The following XRCC4 variants were observed in gnomAD, a reference collection of about 807,000 sequenced individuals.
XRCC4 encodes the protein X-ray repair cross complementing 4.
Under a neutral mutation model 39.1 loss-of-function variants are expected in XRCC4, and 28 were observed. That is an observed-to-expected ratio of 0.72 (90% confidence interval 0.53 to 0.98). The LOEUF is 0.98. Ranked by LOEUF, XRCC4 falls within the 50% of genes least tolerant of loss-of-function variation. The probability of loss-of-function intolerance (pLI) is 0.00; values close to 1 mark genes in which losing one functional copy is unlikely to be tolerated. For synonymous variants in XRCC4, 123 were observed against 126.4 expected, an observed-to-expected ratio of 0.97 and a Z score of 0.18; for missense variants, 350 against 376.4, an observed-to-expected ratio of 0.93 and a Z score of 0.58.
intron 3 of XRCC4, among the ~76,000 whole-genome samples, chr5:83,138,048 A>G (rs1747984449): frequency 1.3e-5 from 2 of 152,258 alleles, no homozygotes; most frequent in South Asian, 4.1e-4. Flanking sequence ...GAAGTACTTG[A>G]GTTCAGATAG....
intron 6 of XRCC4, among the ~76,000 whole-genome samples, chr5:83,213,582 C>A (rs1398378847): frequency 1.3e-5 from 2 of 151,976 alleles, no homozygotes; most frequent in Non-Finnish European, 2.9e-5. Flanking sequence ...TAAGATATTT[C>A]CACAAAGAAA....
At chr5:83,163,121 AT>A (rs1434892904) in intron 3 of XRCC4, among the ~76,000 whole-genome samples, 1 of 151,290 alleles carries the variant, frequency 6.6e-6, no homozygotes, top group Non-Finnish European at 1.5e-5. Flanking sequence ...TAATTTTTGT[AT>A]TTTTAGTAAA....
chr5:83,200,170 C>T (rs1430779004), intron 4 of XRCC4, among the ~76,000 whole-genome samples: 1 of 152,128 alleles, frequency 6.6e-6, no homozygotes, highest in African/African-American at 2.4e-5. Context: ...GGGAATGATA[C>T]GACATACCTC....
At chr5:83,315,869 G>T (rs183387715) in intron 7 of XRCC4, among the ~76,000 whole-genome samples, 1 of 152,094 alleles carries the variant, frequency 6.6e-6, no homozygotes, top group African/African-American at 2.4e-5. Context: ...ATTTTGCAGC[G>T]ATAGATGAAT....
rs139737095 is a variant in XRCC4 at position 83,308,153 on chromosome 5, A to C, written c.894-44978A>C. On this transcript the variant is annotated intron_variant, in intron 7 of 7. Coordinates refer to ENST00000396027, the MANE Select transcript of XRCC4 (RefSeq NM_003401.5). ...TTTTTACTGTTTTGCTTGTTAGAAG[A>C]TATCTACAATATTTCATTTGAAGAA... Among the ~76,000 whole-genome samples the C allele has an allele frequency of 6.1e-3, 936 of 152,332 alleles. 8 individuals carry two copies. The highest frequency in any genetic ancestry group is 6.5e-3 in the Non-Finnish European group (445 of 68,016).
chr5:83,281,798 G>A (rs939468256), intron 7 of XRCC4, among the ~76,000 whole-genome samples: 5 of 152,006 alleles, frequency 3.3e-5, no homozygotes, highest in African/African-American at 9.7e-5. Context: ...GACTACCTTT[G>A]CCTGGAATTC....
intron 1 of XRCC4, among the ~76,000 whole-genome samples, chr5:83,099,534 C>G (rs926831248): frequency 1.3e-5 from 2 of 152,156 alleles, no homozygotes; most frequent in African/African-American, 4.8e-5. Flanking sequence ...CCTTAGATCA[C>G]ATCAATTGCA....
At chr5:83,152,251 G>C (rs374741578) in intron 3 of XRCC4, among the ~76,000 whole-genome samples, 1 of 152,198 alleles carries the variant, frequency 6.6e-6, no homozygotes, top group Non-Finnish European at 1.5e-5. Context: ...TTAAATTAGT[G>C]TTTAAGGTTT....
intron 1 of XRCC4, among the ~76,000 whole-genome samples, chr5:83,099,172 T>C (rs1479567693): frequency 6.6e-6 from 1 of 152,200 alleles, no homozygotes; most frequent in African/African-American, 2.4e-5. Flanking sequence ...ATCAGCCTAC[T>C]TTTCTCAACA....
chr5:83,271,442 T>C (rs961472112), intron 7 of XRCC4, among the ~76,000 whole-genome samples: 4 of 152,212 alleles, frequency 2.6e-5, no homozygotes, highest in Non-Finnish European at 5.9e-5. Context: ...TCCACAAAAG[T>C]ATTGTTATAA....
chr5:83,350,097 TC>T (rs1757036065), intron 7 of XRCC4, among the ~76,000 whole-genome samples: 1 of 152,220 alleles, frequency 6.6e-6, no homozygotes, highest in South Asian at 2.1e-4. Flanking sequence ...ATTATTTCAT[TC>T]TTTTTGGTGG....
Position 83,353,443 on chromosome 5 carries a change from T to C in XRCC4, c.*201T>C. On this transcript the variant is annotated 3_prime_UTR_variant, in exon 8 of 8. Transcript: ENST00000396027. The stretch of plus-strand genomic sequence containing the variant: ...ATTTGATGATGACACTGGCACATTA[T>C]TCTAAACTATTCATTCAGCATGCCT... 2.5e-6 allele frequency: 1 copy of C among 402,746 alleles called. No individual in the cohort carries two copies. The highest frequency in any genetic ancestry group is 5.6e-5 in the South Asian group (1 of 17,842). 24.9% of individuals were successfully genotyped at this position (402,746 alleles called of 1,614,324 possible).
Position 83,204,869 on chromosome 5 carries a change from G to C in XRCC4, c.693G>C (p.Glu231Asp). 6.2e-7 allele frequency: 1 copy of C among 1,612,456 alleles called. No homozygotes were observed. Among genetic ancestry groups the C allele is most frequent in the Non-Finnish European group, 8.5e-7 (1 of 1,178,850 alleles). ...CTGACCGAGATCCAGTCTATGATGA[G>C]AGTACTGATGAGGAAAGTGAAAACC... ...MTADRDPVYD[E>D]STDEESENQT... The change falls in exon 6 of 8, where the codon GAG (glutamate) becomes GAC (aspartate). Residue 231 changes from glutamate (E) to aspartate (D), a missense_variant. By Grantham distance (45) the Glu-to-Asp change is conservative (BLOSUM62 2). Transcript: ENST00000396027.
chr5:83,163,668 T>C (rs2112593203), intron 3 of XRCC4, among the ~76,000 whole-genome samples: 1 of 152,312 alleles, frequency 6.6e-6, no homozygotes, highest in South Asian at 2.1e-4. Context: ...GAATTGTATA[T>C]AGCTATGAAT....
chr5:83,225,394 C>T (rs953453889), intron 6 of XRCC4, among the ~76,000 whole-genome samples: 1 of 151,732 alleles, frequency 6.6e-6, no homozygotes. Context: ...GGAAAATGCC[C>T]ATTCTCATGT....
chr5:83,156,351 G>A (rs1417115306), intron 3 of XRCC4, among the ~76,000 whole-genome samples: 1 of 150,718 alleles, frequency 6.6e-6, no homozygotes, highest in Non-Finnish European at 1.5e-5. Flanking sequence ...ATGTTATTTA[G>A]AGAGAGAGCT....
At chr5:83,202,670 C>G (rs1241997796) in intron 4 of XRCC4, among the ~76,000 whole-genome samples, 1 of 151,648 alleles carries the variant, frequency 6.6e-6, no homozygotes, top group Non-Finnish European at 1.5e-5. Flanking sequence ...ACCTGTAAAA[C>G]AACAACAATG....
intron 6 of XRCC4, among the ~76,000 whole-genome samples, chr5:83,250,988 A>G (rs28360220): frequency 0.016 from 2,444 of 152,274 alleles, 63 homozygotes; most frequent in African/African-American, 0.055. Context: ...TTCCTTACAA[A>G]TAGTTGTGTC....
At chr5:83,095,322 T>C (rs1745627089) in intron 1 of XRCC4, among the ~76,000 whole-genome samples, 1 of 151,024 alleles carries the variant, frequency 6.6e-6, no homozygotes, top group South Asian at 2.1e-4. Context: ...GGTGTATTCC[T>C]TTATTTGAGT....
Sources: gnomAD v4.1 joint callset for allele counts (sites outside exome capture counted in the v4.1 genomes callset) on GRCh38, gnomAD v4.1.1 for gene constraint, MANE v1.5 for transcripts, NCBI Gene and HGNC (gene_info 2026-07-23, HGNC 2026-07-21) for gene names.